The following AGAP1 variants were observed in gnomAD, a reference collection of about 807,000 sequenced individuals.
AGAP1 encodes ArfGAP with GTPase domain, ankyrin repeat and PH domain 1, also known as arf-GAP with GTPase, ANK repeat and PH domain-containing protein 1.
In AGAP1, 29 loss-of-function variants were observed where a neutral mutation model predicts 105.3. The observed-to-expected ratio is 0.28, with a 90% CI of 0.21 to 0.38. AGAP1 has a LOEUF of 0.38. Among genes scored for constraint, AGAP1 ranks in the 10% least tolerant of loss-of-function variants. The pLI, the probability that AGAP1 is intolerant of heterozygous loss-of-function variation, is 1.00. For missense variants in AGAP1, 998 were observed against 1,165.1 expected (o/e 0.86, Z 2.09); for synonymous variants, 509 against 485.9 (o/e 1.05, Z -0.63).
intron 1 of AGAP1, among the ~76,000 whole-genome samples, chr2:235,593,102 G>A (rs1945406474): frequency 6.6e-6 from 1 of 152,150 alleles, no homozygotes; most frequent in South Asian, 2.1e-4. Context: ...GAGGGATGCA[G>A]GTTGTGGGCC....
At chr2:235,805,243 C>CT (rs1236499572) in intron 8 of AGAP1, among the ~76,000 whole-genome samples, 2 of 152,128 alleles carry the variant, frequency 1.3e-5, no homozygotes, top group African/African-American at 2.4e-5. Flanking sequence ...GTTTCAGTCT[C>CT]TTTTATCTCA....
chr2:236,030,469 C>T (rs965676215), intron 13 of AGAP1, among the ~76,000 whole-genome samples: 1 of 152,236 alleles, frequency 6.6e-6, no homozygotes, highest in African/African-American at 2.4e-5. Flanking sequence ...GACCTGGGGC[C>T]TCCCGGCTCC....
At chr2:235,661,820 A>C (rs1028758081) in intron 1 of AGAP1, among the ~76,000 whole-genome samples, 2 of 152,308 alleles carry the variant, frequency 1.3e-5, no homozygotes, top group East Asian at 3.9e-4. Flanking sequence ...TGTCTGGAGT[A>C]GACAGTGATA....
At position 235,631,187 on chromosome 2, in the gene AGAP1, C is replaced by T. The variant is rs1031428846; in HGVS notation, c.164-77992C>T. Among the ~76,000 whole-genome samples, 15 of 152,154 alleles carry T rather than the reference C, an allele frequency of 9.9e-5. No homozygotes were observed. In the East Asian group the frequency reaches 1.7e-3, roughly 18 times the overall value. On this transcript the variant is annotated intron_variant, in intron 1 of 17. Coordinates refer to ENST00000304032, the MANE Select transcript of AGAP1 (RefSeq NM_001037131.3). The surrounding 1 kb of genome is among the most constrained non-coding windows in gnomAD (Gnocchi z 5.4). ...GGTTCATTACTTCTGCAAATAAACACGTTGAAGAGCCTCCTTCCAGTGGGT... is the reference window on the plus strand; with the variant it reads ...GGTTCATTACTTCTGCAAATAAACATGTTGAAGAGCCTCCTTCCAGTGGGT...
chr2:235,931,835 G>A lies in AGAP1; in HGVS notation c.1483+912G>A, dbSNP rs976082252. Among the ~76,000 whole-genome samples the A allele has an allele frequency of 6.6e-6, 1 of 152,012 alleles. No homozygotes were observed. Among genetic ancestry groups the A allele is most frequent in the Non-Finnish European group, 1.5e-5 (1 of 68,006 alleles). Reference sequence around the variant, plus strand: ...GGAAGACATCTCCAAACCAAGCCGGGAGACGCGGAGTCAGCGAGGTAGCTC... The same window carrying A: ...GGAAGACATCTCCAAACCAAGCCGGAAGACGCGGAGTCAGCGAGGTAGCTC... On this transcript the variant is annotated intron_variant, in intron 12 of 17. Transcript: ENST00000304032. The surrounding 1 kb of genome is among the most constrained non-coding windows in gnomAD (Gnocchi z 5.6).
At chr2:235,954,837 A>G (rs745324062) in intron 12 of AGAP1, among the ~76,000 whole-genome samples, 4 of 151,994 alleles carry the variant, frequency 2.6e-5, no homozygotes, top group Non-Finnish European at 4.4e-5. Context: ...ATTTACTGCT[A>G]TTATCGCAGC....
rs150950490 is a variant in AGAP1, at chr2:235,920,374, C to G, written c.1325-10391C>G. 5.9e-5 allele frequency among the ~76,000 whole-genome samples: 9 copies of G among 152,330 alleles called. No individual in the cohort carries two copies. The East Asian group carries it at 1.7e-3, about 29-fold the overall frequency. On this transcript the variant is annotated intron_variant, in intron 11 of 17. Transcript: ENST00000304032. ...GGAGGGAAGGGATGACTCTGGCGCT[C>G]CAGCTCACTGTCACCTGCTGTCAGG...
chr2:235,668,355 A>G (rs1437473655), intron 1 of AGAP1, among the ~76,000 whole-genome samples: 1 of 152,192 alleles, frequency 6.6e-6, no homozygotes, highest in African/African-American at 2.4e-5. Flanking sequence ...AGTGTCGTGA[A>G]CACAATAGGT....
chr2:235,632,380 G>C (rs1575003781), intron 1 of AGAP1, among the ~76,000 whole-genome samples: 1 of 152,276 alleles, frequency 6.6e-6, no homozygotes. Context: ...TGGGGGACTG[G>C]GACCTCTCAG....
At chr2:235,854,373 T>C (rs925450957) in intron 9 of AGAP1, among the ~76,000 whole-genome samples, 6 of 152,196 alleles carry the variant, frequency 3.9e-5, no homozygotes, top group African/African-American at 1.4e-4. Context: ...TCCTTCCCTC[T>C]TTTTCTCCCC....
chr2:235,847,302 A>G (rs1423857944), intron 9 of AGAP1, among the ~76,000 whole-genome samples: 1 of 151,600 alleles, frequency 6.6e-6, no homozygotes, highest in Non-Finnish European at 1.5e-5. Flanking sequence ...ATGTATGGCC[A>G]TTCTGGCTTT....
chr2:235,539,903 T>C (rs1943377081), intron 1 of AGAP1, among the ~76,000 whole-genome samples: 1 of 152,118 alleles, frequency 6.6e-6, no homozygotes, highest in Non-Finnish European at 1.5e-5. Flanking sequence ...GCCCTTTTAG[T>C]CTGGGGCAAG....
rs1322683695 is a variant in AGAP1, at chr2:235,959,134, C to G, written c.1484-9328C>G. Among the ~76,000 whole-genome samples the G allele has an allele frequency of 2.0e-5, 3 of 152,176 alleles. No individual in the cohort carries two copies. In the East Asian group the frequency reaches 5.8e-4, roughly 29 times the overall value. On this transcript the variant is annotated intron_variant, in intron 12 of 17. Transcript: ENST00000304032. The surrounding 1 kb of genome is among the most constrained non-coding windows in gnomAD (Gnocchi z 7.3). ...TTTTAATTTGGCATGGCTTTTTTCT[C>G]TTAGCCTCTCCCCTCCCATACTTAA...
At chr2:236,098,794 T>G (rs560204408) in intron 16 of AGAP1, among the ~76,000 whole-genome samples, 1 of 151,614 alleles carries the variant, frequency 6.6e-6, no homozygotes, top group Non-Finnish European at 1.5e-5. Flanking sequence ...CCAGCTAATT[T>G]TTTTTAATTT....
In AGAP1 at chr2:236,003,111, C is replaced by G. The variant is rs969008583; in HGVS notation, c.1646-33450C>G. ...AGGCTGGAGTGCAGTGGCACGGTCT[C>G]AGCTCTTACTGCAGCCTCTGCCTCC... is the stretch of plus-strand genomic sequence containing the variant. On this transcript the variant is annotated intron_variant, in intron 13 of 17. Coordinates refer to ENST00000304032, the MANE Select transcript of AGAP1 (RefSeq NM_001037131.3). This position sits in a 1 kb window ranked among gnomAD's most constrained non-coding sequence, Gnocchi z 4.2. 6.6e-6 allele frequency among the ~76,000 whole-genome samples: 1 copy of G among 152,216 alleles called. No individual in the cohort carries two copies. The highest frequency in any genetic ancestry group is 1.5e-5 in the Non-Finnish European group (1 of 68,046).
At chr2:235,730,537 A>G (rs1951889517) in intron 3 of AGAP1, among the ~76,000 whole-genome samples, 2 of 149,766 alleles carry the variant, frequency 1.3e-5, no homozygotes, top group African/African-American at 2.5e-5. Flanking sequence ...GCTGGAGTGC[A>G]GTGGTGCCAT....
chr2:235,852,801 A>G (rs1389845743), intron 9 of AGAP1: 15 of 1,529,710 alleles, frequency 9.8e-6, no homozygotes, highest in South Asian at 1.2e-5. Flanking sequence ...ACCAGCCCGC[A>G]TTGTGCTGAA....
chr2:235,740,918 C>A lies in AGAP1; in HGVS notation c.311-45C>A. The stretch of plus-strand genomic sequence containing the variant: ...AGCCCACGTCTGTCTGCCCTCCTCA[C>A]TCTCTGTTGTTCTCGTGTAACGAGA... On this transcript the variant is annotated intron_variant, in intron 3 of 17. Coordinates refer to ENST00000304032, the MANE Select transcript of AGAP1 (RefSeq NM_001037131.3). The surrounding 1 kb of genome is among the most constrained non-coding windows in gnomAD (Gnocchi z 5.7). 1 of 1,613,142 alleles carries A rather than the reference C, an allele frequency of 6.2e-7. No individual in the cohort carries two copies. The highest frequency in any genetic ancestry group is 8.5e-7 in the Non-Finnish European group (1 of 1,179,176).
In AGAP1 at chr2:236,053,820, G is replaced by A. The variant is rs773599434; in HGVS notation, c.2114+4539G>A. The stretch of plus-strand genomic sequence containing the variant: ...TTCCGTGAAAGAGCTCTTGAGAGGC[G>A]CTTTAAGCGCAACTGAAATCACCCA... On this transcript the variant is annotated intron_variant, in intron 16 of 17. Transcript: ENST00000304032. This position sits in a 1 kb window ranked among gnomAD's most constrained non-coding sequence, Gnocchi z 4.6. Among the ~76,000 whole-genome samples the A allele has an allele frequency of 2.0e-5, 3 of 152,272 alleles. No individual in the cohort carries two copies. The highest frequency in any genetic ancestry group is 4.4e-5 in the Non-Finnish European group (3 of 68,052).
Sources: gnomAD v4.1 joint callset for allele counts (sites outside exome capture counted in the v4.1 genomes callset) on GRCh38, gnomAD v4.1.1 for gene constraint, Gnocchi (gnomAD v3.1) non-coding constraint, MANE v1.5 for transcripts, NCBI Gene and HGNC (gene_info 2026-07-23, HGNC 2026-07-21) for gene names.